The following UBE2G1 variants were observed in gnomAD, a reference collection of about 807,000 sequenced individuals.
UBE2G1 encodes ubiquitin-conjugating enzyme E2 G1.
UBE2G1 carries 5 observed loss-of-function variants against 22.7 expected under a neutral mutation model. The observed-to-expected ratio is 0.22, with a 90% CI of 0.12 to 0.46. UBE2G1 has a LOEUF of 0.46. UBE2G1 is among the 20% of genes least tolerant of loss of function. The pLI is 0.99. For synonymous variants in UBE2G1, 74 were observed against 67.5 expected (o/e 1.10, Z -0.47); for missense variants, 88 against 203.9 (o/e 0.43, Z 3.46).
At chr17:4,300,087 C>CTT (rs35118148) in intron 2 of UBE2G1, among the ~76,000 whole-genome samples, 4,087 of 146,508 alleles carry the variant, frequency 0.028, 180 homozygotes, top group African/African-American at 0.093. Context: ...GGCCTACCTG[C>CTT]TTTTTTTTTT....
rs534234490 is a variant in UBE2G1, at chr17:4,304,088, A to C, written c.149+2933T>G. On this transcript the variant is annotated intron_variant, in intron 2 of 5. Transcript: ENST00000396981. Reference sequence around the variant, plus strand: ...GCCCAAGCTAGAGTGCAGTAGCGTAATCTTGGCTCACTGCAGCCTCCACCT... The same window carrying C: ...GCCCAAGCTAGAGTGCAGTAGCGTACTCTTGGCTCACTGCAGCCTCCACCT... 4.6e-5 allele frequency among the ~76,000 whole-genome samples: 7 copies of C among 152,302 alleles called. No individual in the cohort carries two copies. In the East Asian group the frequency reaches 1.3e-3, roughly 29 times the overall value.
intron 3 of UBE2G1, among the ~76,000 whole-genome samples, chr17:4,294,415 CAAAAAAAAAAAA>C (rs68047533): frequency 8.5e-6 from 1 of 117,202 alleles, no homozygotes. Flanking sequence ...GACTCCGTCT[CAAAAAAAAAAAA>C]AAAAAAAAAA....
chr17:4,282,753 G>T (rs1451723842), intron 5 of UBE2G1, 45 bp downstream of exon 5: 2 of 1,279,688 alleles, frequency 1.6e-6, no homozygotes, highest in Non-Finnish European at 2.2e-6. Context: ...AAACTAATAG[G>T]ATACTTACAA....
intron 1 of UBE2G1, among the ~76,000 whole-genome samples, chr17:4,342,002 T>C (rs1426306043): frequency 6.6e-5 from 10 of 152,220 alleles, no homozygotes; most frequent in Non-Finnish European, 1.5e-5. Context: ...CTTCTTCACC[T>C]ATCTACAGTT....
At chr17:4,365,583 C>A (rs1423205336) in intron 1 of UBE2G1, among the ~76,000 whole-genome samples, 1 of 152,036 alleles carries the variant, frequency 6.6e-6, no homozygotes, top group Non-Finnish European at 1.5e-5. Flanking sequence ...AGCCGGCCAG[C>A]GAGCGGCTCT....
chr17:4,274,199 CTTTT>C (rs11426758), intron 5 of UBE2G1, among the ~76,000 whole-genome samples: 6 of 101,234 alleles, frequency 5.9e-5, no homozygotes, highest in South Asian at 6.6e-4. Context: ...CCAGGATGGT[CTTTT>C]TTTTTTTTTT....
chr17:4,347,820 A>G (rs2143810355), intron 1 of UBE2G1, among the ~76,000 whole-genome samples: 1 of 152,172 alleles, frequency 6.6e-6, no homozygotes, highest in South Asian at 2.1e-4. Flanking sequence ...ATCTGTGATC[A>G]GTGATCTTTG....
At chr17:4,358,164 G>A (rs921069378) in intron 1 of UBE2G1, among the ~76,000 whole-genome samples, 14 of 151,878 alleles carry the variant, frequency 9.2e-5, no homozygotes, top group Non-Finnish European at 2.9e-5. Context: ...GATATCTTAC[G>A]GTGATTTCAA....
At chr17:4,283,126 T>C (rs894071233) in intron 4 of UBE2G1, among the ~76,000 whole-genome samples, 2 of 152,118 alleles carry the variant, frequency 1.3e-5, no homozygotes, top group Non-Finnish European at 2.9e-5. Context: ...GCAAATTACC[T>C]CTACATTAAA....
At chr17:4,315,940 T>C (rs1420523257) in intron 1 of UBE2G1, among the ~76,000 whole-genome samples, 2 of 148,940 alleles carry the variant, frequency 1.3e-5, no homozygotes, top group East Asian at 4.2e-4. Context: ...TCCGAGTAGC[T>C]GGGACTACAG....
chr17:4,355,413 G>A (rs1969894591), intron 1 of UBE2G1, among the ~76,000 whole-genome samples: 1 of 150,618 alleles, frequency 6.6e-6, no homozygotes, highest in African/African-American at 2.4e-5. Context: ...GGCCGAGGCG[G>A]GTGTATCACC....
chr17:4,272,818 TATC>T (rs1465440117), intron 5 of UBE2G1, among the ~76,000 whole-genome samples: 1 of 152,090 alleles, frequency 6.6e-6, no homozygotes, highest in Non-Finnish European at 1.5e-5. Flanking sequence ...GCTGTATCCT[TATC>T]ATCACAGAAC....
intron 1 of UBE2G1, among the ~76,000 whole-genome samples, chr17:4,329,288 A>T (rs1377987507): frequency 6.6e-6 from 1 of 151,278 alleles, no homozygotes; most frequent in East Asian, 1.9e-4. Context: ...AGTCTCAGCT[A>T]CTCCAGAGGC....
rs150917099 is a variant in UBE2G1, at chr17:4,353,462, T to TACACAC, written c.46+12803_46+12808dup. Among the ~76,000 whole-genome samples, 1,296 of 148,176 alleles carry TACACAC rather than the reference T, an allele frequency of 8.7e-3. 16 individuals are homozygous for TACACAC. The highest frequency in any genetic ancestry group is 0.021 in the African/African-American group (823 of 39,792). On this transcript the variant is annotated intron_variant, in intron 1 of 5. Transcript: ENST00000396981. ...AGAGTTTCGTTGATATATATATATA[T>TACACAC]ACACACACACACACACACACACATA...
In UBE2G1 at chr17:4,271,351, C is replaced by A. The variant is rs1223213265; in HGVS notation, c.*1203G>T. On this transcript the variant is annotated 3_prime_UTR_variant, in exon 6 of 6. Transcript: ENST00000396981. The stretch of plus-strand genomic sequence containing the variant: ...AAGTTCATTTGCATAAGGAATCAAC[C>A]TGAGATTTTCCTAAACCACTTCTCT... 4 of 152,582 alleles carry A rather than the reference C, an allele frequency of 2.6e-5. No homozygotes were observed. Among genetic ancestry groups the A allele is most frequent in the African/African-American group, 4.8e-5 (2 of 41,426 alleles). 9.5% of individuals were successfully genotyped at this position (152,582 alleles called of 1,614,324 possible).
At chr17:4,365,317 C>T (rs1225755066) in intron 1 of UBE2G1, among the ~76,000 whole-genome samples, 1 of 152,344 alleles carries the variant, frequency 6.6e-6, no homozygotes, top group Middle Eastern at 3.4e-3. Flanking sequence ...CAACCCGCCT[C>T]CCCCCTTCCA....
At chr17:4,327,252 G>A (rs753778306) in intron 1 of UBE2G1, among the ~76,000 whole-genome samples, 1 of 151,956 alleles carries the variant, frequency 6.6e-6, no homozygotes, top group South Asian at 2.1e-4. Context: ...AGCCGAGATC[G>A]CGCCACTGCA....
intron 1 of UBE2G1, among the ~76,000 whole-genome samples, chr17:4,353,199 C>G (rs1231827799): frequency 1.3e-5 from 2 of 151,954 alleles, no homozygotes; most frequent in Non-Finnish European, 2.9e-5. Context: ...GCCTGGGCGA[C>G]AGAGTGAGAC....
chr17:4,273,739 G>A (rs1191905303), intron 5 of UBE2G1, among the ~76,000 whole-genome samples: 1 of 151,948 alleles, frequency 6.6e-6, no homozygotes, highest in Non-Finnish European at 1.5e-5. Flanking sequence ...GGGCGCCAAG[G>A]ACAGCAGAAA....
Sources: gnomAD v4.1 joint callset for allele counts (sites outside exome capture counted in the v4.1 genomes callset) on GRCh38, gnomAD v4.1.1 for gene constraint, MANE v1.5 for transcripts, NCBI Gene and HGNC (gene_info 2026-07-23, HGNC 2026-07-21) for gene names.